The following GULP1 variants were observed in gnomAD, a reference collection of about 807,000 sequenced individuals.
The protein encoded by GULP1 is PTB domain-containing engulfment adapter protein 1.
GULP1 carries 19 observed loss-of-function variants against 40.9 expected under a neutral mutation model. The ratio of observed to expected loss-of-function variants is 0.46; its 90% CI spans 0.32 to 0.68. GULP1 has a LOEUF of 0.68. Among genes scored for constraint, GULP1 ranks in the 30% least tolerant of loss-of-function variants. GULP1 has a pLI of 0.03. For synonymous variants in GULP1, 119 were observed against 117.6 expected (o/e 1.01, Z -0.08); for missense variants, 312 against 362.2 (o/e 0.86, Z 1.12).
intron 2 of GULP1, among the ~76,000 whole-genome samples, chr2:188,465,643 C>T (rs925113319): frequency 4.6e-5 from 7 of 152,082 alleles, no homozygotes; most frequent in Admixed American, 2.0e-4. Context: ...GGCAATTCTC[C>T]TTTGTGTGGG....
chr2:188,323,978 A>T (rs1372427120), intron 1 of GULP1, among the ~76,000 whole-genome samples: 1 of 152,026 alleles, frequency 6.6e-6, no homozygotes, highest in Non-Finnish European at 1.5e-5. Context: ...TTATTAATTT[A>T]AATAATTGTG....
Position 188,569,128 on chromosome 2 carries a change from G to C in GULP1, c.400-111G>C, listed in dbSNP as rs905634669. The C allele has an allele frequency of 4.5e-6, 3 of 664,168 alleles. No individual in the cohort carries two copies. In the Admixed American group the frequency reaches 6.9e-5, roughly 15 times the overall value. 41.1% of individuals were successfully genotyped at this position (664,168 alleles called of 1,614,324 possible). ...TACTCCCAACTGTTGCCCTTTTGAAGTACCTCTTGTGAATGTCTTGGAGTA... is the reference window on the plus strand; with the variant it reads ...TACTCCCAACTGTTGCCCTTTTGAACTACCTCTTGTGAATGTCTTGGAGTA... On this transcript the variant is annotated intron_variant, in intron 7 of 11. Transcript: ENST00000409830.
intron 4 of GULP1, among the ~76,000 whole-genome samples, chr2:188,516,597 G>C (rs1047799604): frequency 2.0e-5 from 3 of 151,964 alleles, no homozygotes; most frequent in Admixed American, 2.0e-4. Context: ...ACTCTATTTG[G>C]TTTAATGTTG....
At chr2:188,361,048 C>G (rs11695922) in intron 1 of GULP1, among the ~76,000 whole-genome samples, 1 of 152,024 alleles carries the variant, frequency 6.6e-6, no homozygotes, top group African/African-American at 2.4e-5. Flanking sequence ...CACTGCATTG[C>G]GTAATATTGC....
intron 7 of GULP1, among the ~76,000 whole-genome samples, chr2:188,548,746 G>C (rs935909617): frequency 6.6e-6 from 1 of 151,842 alleles, no homozygotes; most frequent in Non-Finnish European, 1.5e-5. Context: ...CAATGGAAGA[G>C]TGAACATATA....
chr2:188,541,501 C>T, intron 7 of GULP1, 183 bp downstream of exon 7: 1 of 654,086 alleles, frequency 1.5e-6, no homozygotes, highest in Non-Finnish European at 2.8e-6. Flanking sequence ...TTCAGGATTT[C>T]ATCTGTAACT....
intron 8 of GULP1, 149 bp downstream of exon 8, chr2:188,569,504 G>A (rs979910464): frequency 5.7e-5 from 37 of 647,894 alleles, no homozygotes; most frequent in South Asian, 3.3e-4. Context: ...ATAATTTTTC[G>A]TTCCTGATCC....
chr2:188,383,537 A>G (rs1323055142), intron 1 of GULP1, among the ~76,000 whole-genome samples: 1 of 152,202 alleles, frequency 6.6e-6, no homozygotes, highest in East Asian at 1.9e-4. Flanking sequence ...AAAACATTTA[A>G]CACATCATCT....
intron 2 of GULP1, among the ~76,000 whole-genome samples, chr2:188,385,549 G>T (rs2049604570): frequency 6.6e-6 from 1 of 152,174 alleles, no homozygotes; most frequent in South Asian, 2.1e-4. Flanking sequence ...TATGCAGCTA[G>T]CTTGAATTTC....
chr2:188,304,965 A>G (rs1179285995), intron 1 of GULP1, among the ~76,000 whole-genome samples: 1 of 152,090 alleles, frequency 6.6e-6, no homozygotes, highest in Non-Finnish European at 1.5e-5. Flanking sequence ...CAATTCTGAC[A>G]TTATCTCTCT....
chr2:188,359,840 T>C (rs983498501), intron 1 of GULP1, among the ~76,000 whole-genome samples: 3 of 152,040 alleles, frequency 2.0e-5, no homozygotes, highest in Admixed American at 1.3e-4. Context: ...GAACTCAAGA[T>C]GAGATGCTGC....
At chr2:188,454,697 T>G (rs879477865) in intron 2 of GULP1, among the ~76,000 whole-genome samples, 1 of 152,226 alleles carries the variant, frequency 6.6e-6, no homozygotes, top group Non-Finnish European at 1.5e-5. Context: ...AACTGAAGAC[T>G]GCTGGTACAA....
intron 4 of GULP1, among the ~76,000 whole-genome samples, chr2:188,487,509 G>A (rs575099091): frequency 2.1e-4 from 32 of 151,962 alleles, no homozygotes; most frequent in Non-Finnish European, 3.2e-4. Flanking sequence ...AACTTATGAC[G>A]TCCCTGTGGA....
At chr2:188,496,916 G>C (rs941865935) in intron 4 of GULP1, among the ~76,000 whole-genome samples, 12 of 151,828 alleles carry the variant, frequency 7.9e-5, no homozygotes, top group African/African-American at 2.9e-4. Context: ...CCCCTGCTCT[G>C]GCCATGTAAG....
rs2043349809 is a variant in GULP1 at position 188,344,382 on chromosome 2, G to A, written c.-171-39381G>A. ...ATGGAGAGAATCAGTCTGGTGAGTG[G>A]TGAGCTGGTTAAGTGGAACTCTGTT... On this transcript the variant is annotated intron_variant, in intron 1 of 11. Transcript: ENST00000409830. 2.6e-5 allele frequency among the ~76,000 whole-genome samples: 4 copies of A among 152,282 alleles called. No homozygotes were observed. In the South Asian group the frequency reaches 8.3e-4, roughly 32 times the overall value.
chr2:188,389,782 G>A (rs182249049), intron 2 of GULP1, among the ~76,000 whole-genome samples: 1 of 152,058 alleles, frequency 6.6e-6, no homozygotes, highest in East Asian at 1.9e-4. Context: ...CCCCATTCTG[G>A]ATGTAGCTAT....
rs530335422 is a variant in GULP1 at position 188,424,644 on chromosome 2, A to G, written c.-45+40755A>G. Among the ~76,000 whole-genome samples the G allele has an allele frequency of 2.0e-4, 30 of 152,136 alleles. No individual in the cohort carries two copies. The South Asian group carries it at 6.0e-3, about 30-fold the overall frequency. On this transcript the variant is annotated intron_variant, in intron 2 of 11. Transcript: ENST00000409830. ...TCAAATTCCCAATTGTCTCATCAAA[A>G]TTATAATATTTTGAATTTACTTGTT...
intron 2 of GULP1, among the ~76,000 whole-genome samples, chr2:188,430,140 C>G (rs2056692792): frequency 6.6e-6 from 1 of 152,048 alleles, no homozygotes; most frequent in African/African-American, 2.4e-5. Context: ...TGTTAAAAGC[C>G]TCAAAACATT....
At position 188,326,559 on chromosome 2, in the gene GULP1, A is replaced by G. The variant is rs537225944; in HGVS notation, c.-172+34393A>G. ...GCTGTTGTGACTCTTATCAGTGCCAATGTCTGAGCTAGTGGTATAGCTGTG... is the reference window on the plus strand; with the variant it reads ...GCTGTTGTGACTCTTATCAGTGCCAGTGTCTGAGCTAGTGGTATAGCTGTG... On this transcript the variant is annotated intron_variant, in intron 1 of 11. Transcript: ENST00000409830. 1.2e-4 allele frequency among the ~76,000 whole-genome samples: 18 copies of G among 152,224 alleles called. No homozygotes were observed. The South Asian group carries it at 2.9e-3, about 25-fold the overall frequency.
Sources: allele counts gnomAD v4.1 joint callset (sites outside exome capture counted in the v4.1 genomes callset), GRCh38; gene constraint gnomAD v4.1.1; transcripts MANE v1.5; gene names NCBI Gene and HGNC (gene_info 2026-07-23, HGNC 2026-07-21).